Variants in OSGIN1 observed in about 807,000 individuals in gnomAD.
The protein encoded by OSGIN1 is oxidative stress induced growth inhibitor 1.
OSGIN1 carries 19 observed loss-of-function variants against 20.1 expected under a neutral mutation model. That is an observed-to-expected ratio of 0.95 (90% CI 0.66 to 1.39). The LOEUF is 1.39. Among genes scored for constraint, OSGIN1 ranks in the 40% most tolerant of loss-of-function variants. The pLI is 0.00. For missense variants in OSGIN1, 820 were observed against 653.0 expected, an observed-to-expected ratio of 1.26 and a Z score of -2.79; for synonymous variants, 368 against 297.8, an observed-to-expected ratio of 1.24 and a Z score of -2.43.
At chr16:83,964,175 A>G (rs2084248698) in intron 5 of OSGIN1, among the ~76,000 whole-genome samples, 2 of 152,104 alleles carry the variant, frequency 1.3e-5, no homozygotes, top group Non-Finnish European at 2.9e-5. Context: ...ATGGCGCTGC[A>G]TGCCTGTAGT....
At chr16:83,963,965 A>G (rs1232497976) in intron 5 of OSGIN1, among the ~76,000 whole-genome samples, 2 of 152,208 alleles carry the variant, frequency 1.3e-5, no homozygotes, top group African/African-American at 2.4e-5. Flanking sequence ...AACGATGGTG[A>G]GTGCGTCACA....
chr16:83,965,706 A>G lies in OSGIN1; in HGVS notation c.1133A>G (p.Gln378Arg). ...AAGGAAGACTGCCAGGCCGTGTTCCAGGACCTCGAGGGTGTCGAGAAGGTG... is the reference window on the plus strand; with the variant it reads ...AAGGAAGACTGCCAGGCCGTGTTCCGGGACCTCGAGGGTGTCGAGAAGGTG... ...CFKEDCQAVFQDLEGVEKVFG... is the reference protein window; with the variant it reads ...CFKEDCQAVFRDLEGVEKVFG... The change falls in exon 6 of 6, where the codon CAG (glutamine) becomes CGG (arginine). Residue 378 changes from glutamine to arginine, a missense_variant. Coordinates refer to ENST00000393306, the MANE Select transcript of OSGIN1 (RefSeq NM_182981.3). 6.2e-7 allele frequency: 1 copy of G among 1,613,644 alleles called. No individual in the cohort carries two copies. Among genetic ancestry groups the G allele is most frequent in the South Asian group, 1.1e-5 (1 of 91,084 alleles).
chr16:83,959,964 T>C (rs938423541), intron 3 of OSGIN1, among the ~76,000 whole-genome samples: 3 of 152,166 alleles, frequency 2.0e-5, no homozygotes, highest in Non-Finnish European at 4.4e-5. Flanking sequence ...GTACCCCTTG[T>C]CTTCCACTGT....
At chr16:83,963,057 G>T (rs1187948252) in intron 5 of OSGIN1, among the ~76,000 whole-genome samples, 1 of 152,126 alleles carries the variant, frequency 6.6e-6, no homozygotes, top group East Asian at 1.9e-4. Flanking sequence ...TCTGCCTCTC[G>T]GGAAGCCCTG....
At chr16:83,958,862 G>A (rs138383216) in intron 2 of OSGIN1, among the ~76,000 whole-genome samples, 15 of 152,286 alleles carry the variant, frequency 9.8e-5, no homozygotes, top group African/African-American at 3.1e-4. Flanking sequence ...AATCTCAGTC[G>A]CGTCGTCAGA....
In OSGIN1 at chr16:83,965,121, T is replaced by G; in HGVS notation, c.548T>G (p.Val183Gly). 3.7e-6 allele frequency: 6 copies of G among 1,613,234 alleles called. No homozygotes were observed. Among genetic ancestry groups the G allele is most frequent in the Non-Finnish European group, 5.1e-6 (6 of 1,179,890 alleles). The change falls in exon 6 of 6, where the codon GTG (valine) becomes GGG (glycine). Residue 183 changes from valine to glycine, a missense_variant. Transcript: ENST00000393306. Reference protein sequence around the residue: ...GDIAHYYRDYVVKKGLGHNFV... With the variant: ...GDIAHYYRDYGVKKGLGHNFV... ...ATCGCCCACTACTACAGGGACTACG[T>G]GGTCAAGAAGGGTCTGGGGCATAAC...
chr16:83,956,629 G>A lies in OSGIN1; in HGVS notation c.-32-1011G>A, dbSNP rs143398340. On this transcript the variant is annotated intron_variant, in intron 1 of 5. Transcript: ENST00000393306. ...AGTTTGTGCGACCTCTCTGAGCCCC[G>A]TTTACACATCTGTGAAATGGGACAT... 6.0e-4 allele frequency among the ~76,000 whole-genome samples: 92 copies of A among 152,328 alleles called. No homozygotes were observed. The East Asian group carries it at 8.9e-3, about 15-fold the overall frequency.
chr16:83,964,434 C>T (rs866496795), intron 5 of OSGIN1, among the ~76,000 whole-genome samples: 1 of 152,108 alleles, frequency 6.6e-6, no homozygotes, highest in Non-Finnish European at 1.5e-5. Context: ...AAGAAGCAGG[C>T]CCCCTCCCAG....
intron 1 of OSGIN1, chr16:83,954,712 A>C: frequency 1.0e-6 from 1 of 974,830 alleles, no homozygotes; most frequent in Non-Finnish European, 1.2e-6. Flanking sequence ...GCCTGAGGAC[A>C]GTCCCAGGAG....
rs960800506 is a variant in OSGIN1 at position 83,965,179 on chromosome 16, G to A, written c.606G>A (p.Glu202=). 1 of 1,613,400 alleles carries A rather than the reference G, an allele frequency of 6.2e-7. No individual in the cohort carries two copies. The highest frequency in any genetic ancestry group is 8.5e-7 in the Non-Finnish European group (1 of 1,180,008). Residue 202 remains glutamate (E), a synonymous_variant, in exon 6 of 6, where the codon GAG becomes GAA. Coordinates refer to ENST00000393306, the MANE Select transcript of OSGIN1 (RefSeq NM_182981.3). ...CCGGTGCTGTAGTCACAGCCGTGGA[G>A]TGGGGGACCCCCGATCCCAGCAGCT... ...FVSGAVVTAV[E]WGTPDPSSCG... is the part of the protein sequence containing the mutation.
At position 83,965,759 on chromosome 16, in the gene OSGIN1, A is replaced by G; in HGVS notation, c.1186A>G (p.Ile396Val). The G allele has an allele frequency of 3.1e-6, 5 of 1,613,300 alleles. No homozygotes were observed. The highest frequency in any genetic ancestry group is 4.2e-6 in the Non-Finnish European group (5 of 1,179,914). The change falls in exon 6 of 6, where the codon ATC becomes GTC. Residue 396 changes from isoleucine (I) to valine (V), a missense_variant. Ile to Val is a conservative substitution (Grantham distance 29). Transcript: ENST00000393306. ...VFGVSLVLVL[I>V]GSHPDLSFLP... ...TGGGGTCTCCCTGGTGCTGGTCCTC[A>G]TCGGCTCCCACCCCGACCTCTCCTT...
chr16:83,960,315 G>A (rs1000775709), intron 3 of OSGIN1, among the ~76,000 whole-genome samples: 2 of 152,228 alleles, frequency 1.3e-5, no homozygotes, highest in South Asian at 4.1e-4. Context: ...TATTAGGGTA[G>A]GGATGTAGGA....
chr16:83,960,374 T>G (rs950449685), intron 3 of OSGIN1, among the ~76,000 whole-genome samples, 195 bp from the exon 4 acceptor site: 5 of 152,234 alleles, frequency 3.3e-5, no homozygotes, highest in Non-Finnish European at 7.3e-5. Context: ...TGGTCTGTAC[T>G]CTGGGGCCCT....
chr16:83,958,017 C>T (rs1468678826), intron 2 of OSGIN1, among the ~76,000 whole-genome samples: 1 of 152,224 alleles, frequency 6.6e-6, no homozygotes, highest in East Asian at 1.9e-4. Flanking sequence ...GCTGGGATTA[C>T]AGGTGCATGC....
At chr16:83,957,394 T>G (rs1399838028) in intron 1 of OSGIN1, among the ~76,000 whole-genome samples, 4 of 149,056 alleles carry the variant, frequency 2.7e-5, no homozygotes, top group African/African-American at 1.0e-4. Flanking sequence ...AGTGGCTGCC[T>G]GGGGCAACCA....
chr16:83,958,337 C>T lies in OSGIN1; in HGVS notation c.67+599C>T, dbSNP rs112142422. On this transcript the variant is annotated intron_variant, in intron 2 of 5. Transcript: ENST00000393306. ...ATCAGCTGGAGGCGACCCGGCGTGG[C>T]GCAGGGAGGCCTGGTCCTGAGCCCA... is the stretch of plus-strand genomic sequence containing the variant. 5.1e-3 allele frequency among the ~76,000 whole-genome samples: 781 copies of T among 152,302 alleles called. 11 individuals are homozygous for T. Among genetic ancestry groups the T allele is most frequent in the African/African-American group, 0.018 (738 of 41,566 alleles).
intron 5 of OSGIN1, among the ~76,000 whole-genome samples, chr16:83,962,713 G>A (rs1188966595): frequency 1.2e-4 from 18 of 152,226 alleles, no homozygotes; most frequent in African/African-American, 3.6e-4. Context: ...TCCAGAGGCG[G>A]GACAACTCCA....
chr16:83,959,215 C>T (rs773093125), intron 2 of OSGIN1, 45 bp from the exon 3 acceptor site: 3 of 1,510,644 alleles, frequency 2.0e-6, no homozygotes, highest in Admixed American at 3.4e-5. Context: ...TAGTGTCCCC[C>T]ACCTGAAAAG....
intron 2 of OSGIN1, among the ~76,000 whole-genome samples, chr16:83,958,318 T>C (rs1243029069): frequency 1.3e-5 from 2 of 152,190 alleles, no homozygotes; most frequent in African/African-American, 4.8e-5. Flanking sequence ...ACCCATCAGC[T>C]GGAGGCGACC....
Sources: gnomAD v4.1 joint callset for allele counts (sites outside exome capture counted in the v4.1 genomes callset) on GRCh38, gnomAD v4.1.1 for gene constraint, MANE v1.5 for transcripts, NCBI Gene and HGNC (gene_info 2026-07-23, HGNC 2026-07-21) for gene names.